The following TSPAN5 variants were observed in gnomAD, a reference collection of about 807,000 sequenced individuals.
TSPAN5 encodes the protein tetraspanin 5, also known as tetraspanin-5.
A neutral mutation model predicts 37.1 loss-of-function variants in TSPAN5; 10 were observed. That is an observed-to-expected ratio of 0.27 (90% CI 0.17 to 0.46). The LOEUF is 0.46. Among genes scored for constraint, TSPAN5 ranks in the 20% least tolerant of loss-of-function variants. TSPAN5 has a pLI of 1.00. For synonymous variants in TSPAN5, 110 were observed against 118.9 expected (o/e 0.93, Z 0.48); for missense variants, 195 against 326.6 (o/e 0.60, Z 3.11).
At chr4:98,484,425 A>G (rs1578936723) in intron 3 of TSPAN5, 1 of 455,924 alleles carries the variant, frequency 2.2e-6, no homozygotes, top group South Asian at 1.6e-5. Flanking sequence ...ATTCCAGGCA[A>G]GTTTTTATTG....
chr4:98,573,695 A>G (rs187419053), intron 1 of TSPAN5, among the ~76,000 whole-genome samples: 1 of 152,394 alleles, frequency 6.6e-6, no homozygotes, highest in Admixed American at 6.5e-5. Flanking sequence ...TGATCTTCTC[A>G]CATCACCCAC....
rs1005244791 is a variant in TSPAN5, at chr4:98,643,824, A to C, written c.81+14322T>G. 2.6e-5 allele frequency among the ~76,000 whole-genome samples: 4 copies of C among 152,250 alleles called. No individual in the cohort carries two copies. In the South Asian group the frequency reaches 8.3e-4, roughly 32 times the overall value. On this transcript the variant is annotated intron_variant, in intron 1 of 7. Transcript: ENST00000305798. The stretch of plus-strand genomic sequence containing the variant: ...AAAAGAACTTGGTACCAAAGAAAAC[A>C]CTATTTTCCCTAGGATTCCAGTTAT...
intron 1 of TSPAN5, among the ~76,000 whole-genome samples, chr4:98,548,416 C>T (rs1754521147): frequency 6.6e-6 from 1 of 151,928 alleles, no homozygotes; most frequent in Admixed American, 6.6e-5. Flanking sequence ...CTCATCATAA[C>T]AAAATTAACG....
At chr4:98,525,226 G>A (rs1358403321) in intron 1 of TSPAN5, among the ~76,000 whole-genome samples, 2 of 152,208 alleles carry the variant, frequency 1.3e-5, no homozygotes, top group African/African-American at 4.8e-5. Flanking sequence ...GAGATGTGGT[G>A]TACAGCAGGT....
In TSPAN5 at chr4:98,607,419, T is replaced by C. The variant is rs1213694859; in HGVS notation, c.81+50727A>G. ...TGAACCCCAGAAAGACTGTCTTACC[T>C]AACGAAAGAATTTGCTATCTTTAAG... On this transcript the variant is annotated intron_variant, in intron 1 of 7. Transcript: ENST00000305798. Among the ~76,000 whole-genome samples the C allele has an allele frequency of 2.0e-5, 3 of 152,302 alleles. No homozygotes were observed. In the East Asian group the frequency reaches 5.8e-4, roughly 29 times the overall value.
At chr4:98,507,824 G>T in intron 1 of TSPAN5, 96 bp from the exon 2 acceptor site, 1 of 848,420 alleles carries the variant, frequency 1.2e-6, no homozygotes. Context: ...TTACCTGGCT[G>T]GGAAATAGCT....
chr4:98,607,422 C>T (rs889673398), intron 1 of TSPAN5, among the ~76,000 whole-genome samples: 3 of 152,158 alleles, frequency 2.0e-5, no homozygotes, highest in African/African-American at 7.2e-5. Context: ...TCTTACCTAA[C>T]GAAAGAATTT....
chr4:98,505,454 C>T (rs1176529226), intron 2 of TSPAN5, among the ~76,000 whole-genome samples: 1 of 152,198 alleles, frequency 6.6e-6, no homozygotes, highest in East Asian at 1.9e-4. Flanking sequence ...TTGCTCTTCC[C>T]TCTTCCTAGA....
At chr4:98,519,846 C>T (rs1303870209) in intron 1 of TSPAN5, among the ~76,000 whole-genome samples, 2 of 152,184 alleles carry the variant, frequency 1.3e-5, no homozygotes, top group Non-Finnish European at 2.9e-5. Flanking sequence ...CCATTACTGG[C>T]TGTGTGACCT....
chr4:98,651,074 G>T (rs933795770), intron 1 of TSPAN5, among the ~76,000 whole-genome samples: 1 of 152,194 alleles, frequency 6.6e-6, no homozygotes, highest in South Asian at 2.1e-4. Context: ...AATGAGAAAA[G>T]AGTAACTATA....
intron 1 of TSPAN5, among the ~76,000 whole-genome samples, chr4:98,567,331 C>T (rs951328390): frequency 2.0e-5 from 3 of 151,852 alleles, no homozygotes; most frequent in African/African-American, 7.3e-5. Context: ...TTAACACACA[C>T]AAAAAAAGAA....
chr4:98,550,442 G>T (rs1240697905), intron 1 of TSPAN5, among the ~76,000 whole-genome samples: 2 of 152,006 alleles, frequency 1.3e-5, no homozygotes, highest in Non-Finnish European at 2.9e-5. Flanking sequence ...GTTTGATAAG[G>T]ATTATATTGA....
At chr4:98,598,085 C>T (rs562156724) in intron 1 of TSPAN5, among the ~76,000 whole-genome samples, 2 of 82,332 alleles carry the variant, frequency 2.4e-5, no homozygotes, top group East Asian at 3.0e-4. Context: ...TAGCAATCAG[C>T]GAGATTTCGT....
At chr4:98,508,638 C>T (rs531829252) in intron 1 of TSPAN5, among the ~76,000 whole-genome samples, 1 of 151,516 alleles carries the variant, frequency 6.6e-6, no homozygotes, top group Admixed American at 6.6e-5. Context: ...GAGCCTCCTG[C>T]CTCAGCCTTC....
intron 1 of TSPAN5, among the ~76,000 whole-genome samples, chr4:98,571,574 AC>A (rs149020073): frequency 0.012 from 1,854 of 152,066 alleles, 29 homozygotes; most frequent in African/African-American, 0.024. Flanking sequence ...GTAAAAAAAA[AC>A]CACATACTGT....
intron 1 of TSPAN5, among the ~76,000 whole-genome samples, chr4:98,575,543 C>T (rs574611073): frequency 1.7e-4 from 26 of 152,086 alleles, no homozygotes; most frequent in African/African-American, 5.1e-4. Context: ...GCTAACGAGA[C>T]GTCTGTGGTT....
intron 1 of TSPAN5, among the ~76,000 whole-genome samples, chr4:98,580,070 G>A (rs375810931): frequency 2.6e-5 from 4 of 152,210 alleles, no homozygotes; most frequent in African/African-American, 9.6e-5. Flanking sequence ...TTTCATCTAG[G>A]AGAAAACCTT....
chr4:98,583,701 T>C (rs985110360), intron 1 of TSPAN5, among the ~76,000 whole-genome samples: 1 of 152,262 alleles, frequency 6.6e-6, no homozygotes, highest in Admixed American at 6.5e-5. Flanking sequence ...GCCTTGGCCA[T>C]GCTGCTGATC....
chr4:98,562,371 G>GA (rs1442745134), intron 1 of TSPAN5, among the ~76,000 whole-genome samples: 4 of 152,086 alleles, frequency 2.6e-5, no homozygotes, highest in Admixed American at 2.6e-4. Context: ...GGGGTAGAAA[G>GA]AAAATCACAG....
Sources: allele counts gnomAD v4.1 joint callset (sites outside exome capture counted in the v4.1 genomes callset), GRCh38; gene constraint gnomAD v4.1.1; transcripts MANE v1.5; gene names NCBI Gene and HGNC (gene_info 2026-07-23, HGNC 2026-07-21).